The following CD8B2 variants were observed in gnomAD, a reference collection of about 807,000 sequenced individuals.
CD8B2 encodes the protein CD8B family member 2, also known as T-cell surface glycoprotein CD8 beta-2 chain.
CD8B2 carries 11 observed loss-of-function variants against 23.7 expected under a neutral mutation model. The observed-to-expected ratio is 0.46, with a 90% confidence interval of 0.29 to 0.77. The LOEUF is 0.77. Among genes scored for constraint, CD8B2 ranks in the 30% least tolerant of loss-of-function variants. CD8B2 has a pLI of 0.09. For synonymous variants in CD8B2, 90 were observed against 109.3 expected (o/e 0.82, Z 1.10); for missense variants, 197 against 270.5 (o/e 0.73, Z 1.91).
intron 5 of CD8B2, among the ~76,000 whole-genome samples, chr2:106,520,052 G>C (rs1162361061): frequency 6.6e-6 from 1 of 152,170 alleles, no homozygotes; most frequent in Non-Finnish European, 1.5e-5. Flanking sequence ...TTAGACAACT[G>C]AATCACCCCA....
At chr2:106,513,238 C>T (rs956046781), downstream of CD8B2, among the ~76,000 whole-genome samples, 108 of 151,796 alleles carry the variant, frequency 7.1e-4, 8 homozygotes, top group Non-Finnish European at 3.1e-4. Flanking sequence ...AGATCTCAAT[C>T]AGGCATGTGT....
downstream of CD8B2, among the ~76,000 whole-genome samples, chr2:106,512,872 CA>C (rs1679660015): frequency 6.6e-6 from 1 of 152,162 alleles, no homozygotes; most frequent in Admixed American, 6.5e-5. Flanking sequence ...CCAGGGCTCG[CA>C]GTCTTGCTTA....
chr2:106,498,847 A>G (rs1309067393), intron 3 of CD8B2, among the ~76,000 whole-genome samples: 1 of 152,106 alleles, frequency 6.6e-6, no homozygotes, highest in Non-Finnish European at 1.5e-5. Flanking sequence ...AATGAAACCC[A>G]TGGGGTCACT....
At chr2:106,519,872 T>C (rs191487402) in intron 5 of CD8B2, among the ~76,000 whole-genome samples, 1 of 152,330 alleles carries the variant, frequency 6.6e-6, no homozygotes, top group Admixed American at 6.5e-5. Flanking sequence ...CCAGGCCACA[T>C]GGAGCCCGTG....
In CD8B2 at chr2:106,496,300, C is replaced by A. The variant is rs532181156; in HGVS notation, c.493+38C>A. 5.1e-4 allele frequency: 731 copies of A among 1,429,278 alleles called. 5 individuals are homozygous for A. The African/African-American group carries it at 9.5e-3, about 19-fold the overall frequency. 88.5% of individuals were successfully genotyped at this position (1,429,278 alleles called of 1,614,324 possible). On this transcript the variant is annotated intron_variant, in intron 3 of 5. Transcript: ENST00000643224. The stretch of plus-strand genomic sequence containing the variant: ...TCCCTCTGCACCCTCAGAAACAAGG[C>A]AGACATCCCCTTGCCCTCCCTCCCT...
At chr2:106,515,311 T>G (rs573566024), downstream of CD8B2, among the ~76,000 whole-genome samples, 1 of 152,306 alleles carries the variant, frequency 6.6e-6, no homozygotes, top group East Asian at 1.9e-4. Flanking sequence ...TGGTACCCAC[T>G]CTTGAGGAGC....
At chr2:106,524,587 C>T (rs1322053368) in intron 5 of CD8B2, among the ~76,000 whole-genome samples, 1 of 152,172 alleles carries the variant, frequency 6.6e-6, no homozygotes, top group Non-Finnish European at 1.5e-5. Flanking sequence ...TGGTCCAGTG[C>T]TGCTGCTCCG....
chr2:106,521,999 C>T (rs527356264), intron 5 of CD8B2: 2 of 152,266 alleles, frequency 1.3e-5, no homozygotes, highest in Admixed American at 6.5e-5. Context: ...GGCTGAGGAC[C>T]GCTGCTCTGA....
Position 106,507,539 on chromosome 2 carries a change from A to G in CD8B2, c.*599A>G. On this transcript the variant is annotated 3_prime_UTR_variant, in exon 6 of 6. Transcript: ENST00000643224. ...AGTTCACTTCATCTTCTTAGCTCCA[A>G]TTTCTACTCTTAAGTTTCTCAGCTC... The G allele has an allele frequency of 3.1e-6, 3 of 982,590 alleles. No individual in the cohort carries two copies. Among genetic ancestry groups the G allele is most frequent in the Non-Finnish European group, 3.6e-6 (3 of 827,462 alleles). 60.9% of individuals were successfully genotyped at this position (982,590 alleles called of 1,614,324 possible). A position where few individuals can be genotyped will look rare whatever the true frequency, so the allele number is the denominator to read the frequency against.
At chr2:106,519,304 A>G (rs1362078616) in intron 5 of CD8B2, among the ~76,000 whole-genome samples, 1 of 152,170 alleles carries the variant, frequency 6.6e-6, no homozygotes, top group Non-Finnish European at 1.5e-5. Context: ...TCACTGTGTG[A>G]TGACTGCCTG....
chr2:106,494,156 C>CTT (rs58958773), intron 2 of CD8B2, among the ~76,000 whole-genome samples: 1 of 144,164 alleles, frequency 6.9e-6, no homozygotes, highest in Non-Finnish European at 1.5e-5. Context: ...CCCCCAACAC[C>CTT]TTTTTTTTTT....
At chr2:106,527,196 T>C (rs567259228) in intron 5 of CD8B2, among the ~76,000 whole-genome samples, 1 of 152,316 alleles carries the variant, frequency 6.6e-6, no homozygotes, top group African/African-American at 2.4e-5. Flanking sequence ...ACCAGGAATG[T>C]AAGAGGGTTC....
At chr2:106,505,354 G>A (rs1309730850) in intron 5 of CD8B2, among the ~76,000 whole-genome samples, 2 of 152,146 alleles carry the variant, frequency 1.3e-5, no homozygotes, top group Non-Finnish European at 2.9e-5. Flanking sequence ...GTGGAGACAG[G>A]GCTGGGTTTG....
At position 106,495,673 on chromosome 2, in the gene CD8B2, C is replaced by A. The variant is rs186920636; in HGVS notation, c.404-500C>A. 4.3e-3 allele frequency among the ~76,000 whole-genome samples: 651 copies of A among 152,312 alleles called. 13 individuals are homozygous for A. The highest frequency in any genetic ancestry group is 0.039 in the Admixed American group (598 of 15,304). On this transcript the variant is annotated intron_variant, in intron 2 of 5. Transcript: ENST00000643224. ...CATCCCTAGGCCCTCACCCCTTTCC[C>A]AACATCTGAGAATTCAGAAAGCAGA...
intron 5 of CD8B2, among the ~76,000 whole-genome samples, chr2:106,521,305 G>A (rs1168775055): frequency 6.6e-6 from 1 of 152,180 alleles, no homozygotes; most frequent in Admixed American, 6.5e-5. Flanking sequence ...CTGGCAAAGA[G>A]AAGGGAAGAT....
At chr2:106,514,192 G>A (rs1679687958), downstream of CD8B2, among the ~76,000 whole-genome samples, 1 of 149,778 alleles carries the variant, frequency 6.7e-6, no homozygotes, top group Non-Finnish European at 1.5e-5. Context: ...GAGTAATACT[G>A]TCGGCCTTTT....
chr2:106,543,321 G>T (rs1016010683), intron 5 of CD8B2: 5 of 152,088 alleles, frequency 3.3e-5, no homozygotes, highest in Non-Finnish European at 5.9e-5. Context: ...GAACCCAGCA[G>T]TTCGAGACCA....
chr2:106,536,908 G>T (rs1680098708), intron 5 of CD8B2, among the ~76,000 whole-genome samples: 1 of 152,212 alleles, frequency 6.6e-6, no homozygotes, highest in South Asian at 2.1e-4. Context: ...TCAGCCCAGA[G>T]CATGCCAATC....
chr2:106,543,934 CT>C, intron 5 of CD8B2: 1 of 398,584 alleles, frequency 2.5e-6, no homozygotes, highest in Non-Finnish European at 4.4e-6. Flanking sequence ...CATTGCCCAT[CT>C]TTTGCATCTG....
Sources: allele counts gnomAD v4.1 joint callset (sites outside exome capture counted in the v4.1 genomes callset), GRCh38; gene constraint gnomAD v4.1.1; transcripts MANE v1.5; gene names NCBI Gene and HGNC (gene_info 2026-07-23, HGNC 2026-07-21).